The following ITGA4 variants were observed in gnomAD, a reference collection of about 807,000 sequenced individuals.
The protein encoded by ITGA4 is integrin alpha-4.
Under a neutral mutation model 133.6 loss-of-function variants are expected in ITGA4, and 63 were observed. That is an observed-to-expected ratio of 0.47 (90% CI 0.38 to 0.58). ITGA4 has a LOEUF of 0.58. ITGA4 is among the 20% of genes least tolerant of loss of function. ITGA4 has a pLI of 0.00. For missense variants in ITGA4, 1,076 were observed against 1,252.7 expected (o/e 0.86, Z 2.13); for synonymous variants, 483 against 438.0 (o/e 1.10, Z -1.28).
chr2:181,520,126 A>G (rs1449549174), intron 17 of ITGA4, among the ~76,000 whole-genome samples: 1 of 152,054 alleles, frequency 6.6e-6, no homozygotes, highest in Non-Finnish European at 1.5e-5. Flanking sequence ...TGAGAGAGGG[A>G]GAAGCTGCCA....
intron 16 of ITGA4, among the ~76,000 whole-genome samples, chr2:181,510,055 A>C (rs2105756375): frequency 6.6e-6 from 1 of 152,214 alleles, no homozygotes; most frequent in Admixed American, 6.5e-5. Flanking sequence ...TTCTATTTTT[A>C]ATGCCTTGCC....
chr2:181,459,830 C>T (rs1685222597), intron 2 of ITGA4, among the ~76,000 whole-genome samples: 1 of 152,186 alleles, frequency 6.6e-6, no homozygotes, highest in African/African-American at 2.4e-5. Flanking sequence ...GTTTCCTGAT[C>T]CATGACATTA....
At chr2:181,518,952 G>T (rs1686665221) in intron 17 of ITGA4, among the ~76,000 whole-genome samples, 1 of 151,898 alleles carries the variant, frequency 6.6e-6, no homozygotes, top group African/African-American at 2.4e-5. Flanking sequence ...AAAATTATAA[G>T]AATCTCTCCT....
Position 181,538,047 on chromosome 2 carries a change from C to T in ITGA4, c.*2520C>T. 1.4e-6 allele frequency: 1 copy of T among 703,106 alleles called. No individual in the cohort carries two copies. The highest frequency in any genetic ancestry group is 2.7e-6 in the Non-Finnish European group (1 of 376,884). 43.6% of individuals were successfully genotyped at this position (703,106 alleles called of 1,614,324 possible). ...TGAGGTGGAACAGTTCATCCTGAAA[C>T]CATTCCCCCATCCACGGAAAAATTG... On this transcript the variant is annotated 3_prime_UTR_variant, in exon 28 of 28. Transcript: ENST00000397033.
intron 22 of ITGA4, among the ~76,000 whole-genome samples, chr2:181,527,958 T>G (rs942911076): frequency 1.3e-5 from 2 of 152,232 alleles, no homozygotes; most frequent in Non-Finnish European, 2.9e-5. Flanking sequence ...CCTAAGTTTT[T>G]AAAAACATTT....
chr2:181,482,015 A>G (rs1046794811), intron 7 of ITGA4, among the ~76,000 whole-genome samples: 3 of 152,216 alleles, frequency 2.0e-5, no homozygotes, highest in Non-Finnish European at 4.4e-5. Context: ...AAGACTAGAA[A>G]GAAGGAAATA....
At chr2:181,504,928 G>A (rs1358560636) in intron 15 of ITGA4, among the ~76,000 whole-genome samples, 1 of 151,568 alleles carries the variant, frequency 6.6e-6, no homozygotes, top group African/African-American at 2.4e-5. Flanking sequence ...TAGATAAAGG[G>A]ACTGCAATTA....
intron 2 of ITGA4, among the ~76,000 whole-genome samples, chr2:181,463,744 G>A (rs1441329750): frequency 6.6e-6 from 1 of 152,070 alleles, no homozygotes; most frequent in Non-Finnish European, 1.5e-5. Flanking sequence ...TCCATGTATG[G>A]GTGTGGTAGA....
At chr2:181,499,733 A>C (rs931018808) in intron 15 of ITGA4, among the ~76,000 whole-genome samples, 2 of 152,184 alleles carry the variant, frequency 1.3e-5, no homozygotes, top group African/African-American at 4.8e-5. Context: ...ATAGAATATT[A>C]ATGTAACCAT....
At chr2:181,535,060 G>C in intron 27 of ITGA4, 125 bp downstream of exon 27, 1 of 1,028,176 alleles carries the variant, frequency 9.7e-7, no homozygotes, top group Non-Finnish European at 1.3e-6. Context: ...ATGTTGCTCA[G>C]TACTGATCTC....
At position 181,538,881 on chromosome 2, in the gene ITGA4, A is replaced by C. The variant is rs919036074; in HGVS notation, c.*3354A>C. The stretch of plus-strand genomic sequence containing the variant: ...CAATGTAGACACGCATAACCAAAGA[A>C]AATGCCTTGGGTCTACATAACAGTT... On this transcript the variant is annotated 3_prime_UTR_variant, in exon 28 of 28. Transcript: ENST00000397033. Among the ~76,000 whole-genome samples, 1 of 152,218 alleles carries C rather than the reference A, an allele frequency of 6.6e-6. No individual in the cohort carries two copies. The highest frequency in any genetic ancestry group is 2.4e-5 in the African/African-American group (1 of 41,460).
At chr2:181,482,473 GC>G in intron 8 of ITGA4, 40 bp from the exon 9 acceptor site, 1 of 1,613,460 alleles carries the variant, frequency 6.2e-7, no homozygotes. Context: ...GAGTAACCCT[GC>G]TTTTTTCTCA....
chr2:181,518,333 C>T (rs886260378), intron 17 of ITGA4, among the ~76,000 whole-genome samples: 1 of 152,052 alleles, frequency 6.6e-6, no homozygotes, highest in Admixed American at 6.6e-5. Flanking sequence ...AGAGATGATG[C>T]ATGTGGAAGT....
intron 15 of ITGA4, among the ~76,000 whole-genome samples, chr2:181,500,054 T>C (rs771613573): frequency 7.2e-5 from 11 of 152,184 alleles, no homozygotes; most frequent in Non-Finnish European, 1.5e-4. Context: ...TTTGTAGTGT[T>C]ACCATGGCTT....
chr2:181,530,629 A>G lies in ITGA4; in HGVS notation c.2644A>G (p.Lys882Glu). Residue 882 changes from lysine to glutamate, a missense_variant, in exon 24 of 28, where the codon AAG (lysine) becomes GAG (glutamate). Coordinates refer to ENST00000397033, the MANE Select transcript of ITGA4 (RefSeq NM_000885.6). ...GAAAGGCATAGTCCGGTTCTTGTCC[A>G]AGACTGATAAGAGGCTATTGGTAAG... ...TLKGIVRFLS[K>E]TDKRLLYCIK... 6.2e-7 allele frequency: 1 copy of G among 1,612,496 alleles called. No homozygotes were observed. The highest frequency in any genetic ancestry group is 8.5e-7 in the Non-Finnish European group (1 of 1,178,880).
upstream of ITGA4, chr2:181,457,359 G>A (rs1685142409): frequency 2.8e-6 from 1 of 354,956 alleles, no homozygotes; most frequent in African/African-American, 2.2e-5. Context: ...CCACGCCCGG[G>A]ACCCCACCCA....
chr2:181,489,278 GA>G (rs1380053073), intron 10 of ITGA4, among the ~76,000 whole-genome samples: 2 of 151,442 alleles, frequency 1.3e-5, no homozygotes, highest in African/African-American at 2.4e-5. Flanking sequence ...TTCTCAAATG[GA>G]AAAAAAATCA....
rs978487223 is a variant in ITGA4, at chr2:181,536,318, A to G, written c.*791A>G. 2 of 152,126 alleles carry G rather than the reference A, an allele frequency of 1.3e-5. No individual in the cohort carries two copies. Among genetic ancestry groups the G allele is most frequent in the Non-Finnish European group, 2.9e-5 (2 of 68,006 alleles). 9.4% of individuals were successfully genotyped at this position (152,126 alleles called of 1,614,324 possible). A position where few individuals can be genotyped will look rare whatever the true frequency, so the allele number is the denominator to read the frequency against. On this transcript the variant is annotated 3_prime_UTR_variant, in exon 28 of 28. Transcript: ENST00000397033. ...TAACACACCTTTATCAAGCATACCC[A>G]GGAGTAATCTTCAAATCTTTTGTTA...
rs1686738770 is a variant in ITGA4, at chr2:181,522,359, C to T, written c.2073+18C>T. On this transcript the variant is annotated intron_variant, in intron 18 of 27. Transcript: ENST00000397033. ...TAGAGCTGGTAAGTACTGTAAACCA[C>T]AATAGCATGATACTACTTGGTATTT... 10 of 1,544,314 alleles carry T rather than the reference C, an allele frequency of 6.5e-6. No individual in the cohort carries two copies. In the African/African-American group the frequency reaches 6.9e-5, roughly 11 times the overall value.
Sources: allele counts gnomAD v4.1 joint callset (sites outside exome capture counted in the v4.1 genomes callset), GRCh38; gene constraint gnomAD v4.1.1; transcripts MANE v1.5; gene names NCBI Gene and HGNC (gene_info 2026-07-23, HGNC 2026-07-21).